OGA: variants seen among roughly 807,000 people sequenced by gnomAD.
The protein encoded by OGA is O-GlcNAcase.
Under a neutral mutation model 102.0 loss-of-function variants are expected in OGA, and 21 were observed. That is an observed-to-expected ratio of 0.21 (90% CI 0.15 to 0.30). The LOEUF is 0.30. Among genes scored for constraint, OGA ranks in the 10% least tolerant of loss-of-function variants. The probability of loss-of-function intolerance (pLI) is 1.00; values close to 1 mark genes in which losing one functional copy is unlikely to be tolerated. For missense variants in OGA, 765 were observed against 1,107.8 expected (o/e 0.69, Z 4.39); for synonymous variants, 408 against 378.2 (o/e 1.08, Z -0.91).
intron 1 of OGA, among the ~76,000 whole-genome samples, chr10:101,817,344 T>C (rs907784157): frequency 6.6e-6 from 1 of 152,108 alleles, no homozygotes; most frequent in African/African-American, 2.4e-5. Context: ...GCAACAAAAA[T>C]ATTCTAAGCC....
intron 7 of OGA, among the ~76,000 whole-genome samples, chr10:101,800,605 T>A (rs536859192): frequency 1.3e-5 from 2 of 152,188 alleles, no homozygotes; most frequent in East Asian, 3.9e-4. Context: ...CTAAACGTAA[T>A]GTTAAATGTA....
At chr10:101,807,627 C>T (rs1442397342) in intron 5 of OGA, 103 bp downstream of exon 5, 8 of 822,810 alleles carry the variant, frequency 9.7e-6, no homozygotes, top group Admixed American at 3.1e-5. Context: ...TACTTTTACA[C>T]ACCAAAGGAG....
At chr10:101,803,145 A>G (rs1333352764) in intron 7 of OGA, among the ~76,000 whole-genome samples, 9 of 151,922 alleles carry the variant, frequency 5.9e-5, no homozygotes, top group Non-Finnish European at 1.3e-4. Flanking sequence ...CATCTCAAAA[A>G]AAAAAAAAAA....
At chr10:101,786,700 A>C (rs1048045308) in intron 15 of OGA, 113 bp from the exon 16 acceptor site, 1 of 858,824 alleles carries the variant, frequency 1.2e-6, no homozygotes, top group Non-Finnish European at 1.6e-6. Context: ...GTCTGTCTAC[A>C]CCAGCTCCTA....
chr10:101,804,930 T>G (rs781706465), intron 6 of OGA, among the ~76,000 whole-genome samples: 19 of 152,196 alleles, frequency 1.2e-4, no homozygotes, highest in Non-Finnish European at 2.4e-4. Context: ...ACATGTCTTT[T>G]ACTGAGCTTT....
chr10:101,793,462 C>T (rs2065281518), intron 11 of OGA, among the ~76,000 whole-genome samples: 1 of 152,206 alleles, frequency 6.6e-6, no homozygotes, highest in African/African-American at 2.4e-5. Context: ...AGCAAAAAAA[C>T]TTCCTATTTT....
In OGA at chr10:101,817,848, G is replaced by A. The variant is rs1180972198; in HGVS notation, c.175C>T (p.Arg59Trp). The change falls in exon 1 of 16, where the codon CGG becomes TGG. Residue 59 changes from arginine (R) to tryptophan (W), a missense_variant. Physicochemically the swap from Arg to Trp is moderately radical, Grantham distance 101. This residue lies in a region of OGA where 117 missense variants were observed against 85.7 expected (regional missense o/e 1.36). Transcript: ENST00000361464. The part of the protein sequence containing the change: ...AVAGAAGGAR[R>W]FLCGVVEGFY... ...CCTTCCACCACACCGCAGAGGAACC[G>A]CCGAGCCCCTCCTGCAGCCCCGGCC... 1.9e-6 allele frequency: 3 copies of A among 1,540,644 alleles called. No homozygotes were observed. The highest frequency in any genetic ancestry group is 1.7e-6 in the Non-Finnish European group (2 of 1,146,936).
chr10:101,786,679 A>C, intron 15 of OGA, 92 bp from the exon 16 acceptor site: 2 of 1,108,422 alleles, frequency 1.8e-6, no homozygotes, highest in Non-Finnish European at 1.2e-6. Context: ...TGGTTAATAT[A>C]AACAGGGCTT....
At chr10:101,797,106 ATT>A in intron 10 of OGA, 1 of 149,916 alleles carries the variant, frequency 6.7e-6, no homozygotes, top group South Asian at 2.1e-4. Flanking sequence ...ACTACTTTTT[ATT>A]CTAAGCTCAC....
chr10:101,795,121 C>G (rs1408158007), intron 10 of OGA, among the ~76,000 whole-genome samples: 1 of 152,120 alleles, frequency 6.6e-6, no homozygotes, highest in Admixed American at 6.5e-5. Context: ...TTAGACTATA[C>G]GAGAACCTGT....
At chr10:101,805,971 A>C (rs1656871407) in intron 6 of OGA, 74 bp downstream of exon 6, 1 of 1,045,432 alleles carries the variant, frequency 9.6e-7, no homozygotes, top group African/African-American at 1.6e-5. Flanking sequence ...AAAAGTATTC[A>C]ATTAACAAGA....
intron 3 of OGA, among the ~76,000 whole-genome samples, chr10:101,812,294 C>A (rs998725522): frequency 6.6e-6 from 1 of 152,168 alleles, no homozygotes; most frequent in Non-Finnish European, 1.5e-5. Flanking sequence ...GTAATCCCAG[C>A]ACTTTGGGAG....
chr10:101,812,826 C>T, intron 3 of OGA: 1 of 642,088 alleles, frequency 1.6e-6, no homozygotes, highest in South Asian at 1.5e-5. Flanking sequence ...CCTAGCACGC[C>T]CATGATATCA....
At chr10:101,805,655 C>CAAAAA in intron 6 of OGA, among the ~76,000 whole-genome samples, 1 of 80,746 alleles carries the variant, frequency 1.2e-5, no homozygotes, top group African/African-American at 4.9e-5. Context: ...TGCTCTGTCT[C>CAAAAA]AAAAAAAAAA....
chr10:101,799,886 T>C lies in OGA; in HGVS notation c.1195+356A>G, dbSNP rs182935599. ...GGTAAGGCACATGACAGTGTTCTTT[T>C]TTTTGAGACAGAGTCTCGCTCTGTC... is the stretch of plus-strand genomic sequence containing the variant. On this transcript the variant is annotated intron_variant, in intron 8 of 15. Transcript: ENST00000361464. 1.6e-4 allele frequency among the ~76,000 whole-genome samples: 24 copies of C among 152,300 alleles called. 1 individual carries two copies. In the East Asian group the frequency reaches 4.4e-3, roughly 28 times the overall value.
chr10:101,802,340 C>T (rs2065403801), intron 7 of OGA, among the ~76,000 whole-genome samples: 1 of 152,162 alleles, frequency 6.6e-6, no homozygotes, highest in East Asian at 1.9e-4. Flanking sequence ...CACTATAGTA[C>T]AATTGCCTAT....
chr10:101,815,961 G>T (rs1336503192), intron 1 of OGA, among the ~76,000 whole-genome samples: 1 of 23,790 alleles, frequency 4.2e-5, no homozygotes, highest in Non-Finnish European at 7.5e-5. Context: ...ATCAAAAAGA[G>T]AGAAAAAAAA....
At chr10:101,797,856 C>A in intron 10 of OGA, 124 bp downstream of exon 10, 3 of 919,182 alleles carry the variant, frequency 3.3e-6, no homozygotes, top group Non-Finnish European at 5.0e-6. Flanking sequence ...TGAAAGAAAC[C>A]TAGGCAACGA....
At chr10:101,789,309 AC>A (rs2065229475) in intron 14 of OGA, among the ~76,000 whole-genome samples, 1 of 151,792 alleles carries the variant, frequency 6.6e-6, no homozygotes, top group Non-Finnish European at 1.5e-5. Context: ...GACCAGCCTG[AC>A]CAACATGGAG....
Sources: gnomAD v4.1 joint callset for allele counts (sites outside exome capture counted in the v4.1 genomes callset) on GRCh38, gnomAD v4.1.1 for gene constraint, gnomAD v4.1.1 regional missense constraint, MANE v1.5 for transcripts, NCBI Gene and HGNC (gene_info 2026-07-23, HGNC 2026-07-21) for gene names.